The following RTKN2 variants were observed in gnomAD, a reference collection of about 807,000 sequenced individuals.
RTKN2 encodes the protein rhotekin 2.
RTKN2 carries 69 observed loss-of-function variants against 71.5 expected under a neutral mutation model. The observed-to-expected ratio is 0.96, with a 90% confidence interval of 0.79 to 1.18. The LOEUF is 1.18. RTKN2 is among the 50% of genes most tolerant of loss of function. The pLI, the probability that RTKN2 is intolerant of heterozygous loss-of-function variation, is 0.00. For missense variants in RTKN2, 724 were observed against 719.7 expected, an observed-to-expected ratio of 1.01 and a Z score of -0.07; for synonymous variants, 236 against 236.5, an observed-to-expected ratio of 1.00 and a Z score of 0.02.
chr10:62,213,925 T>C (rs1841714410), intron 9 of RTKN2, among the ~76,000 whole-genome samples: 1 of 152,004 alleles, frequency 6.6e-6, no homozygotes, highest in African/African-American at 2.4e-5. Flanking sequence ...AACAAATATA[T>C]TTCTTGACTG....
At chr10:62,251,909 C>T (rs1171872864) in intron 2 of RTKN2, among the ~76,000 whole-genome samples, 2 of 151,612 alleles carry the variant, frequency 1.3e-5, no homozygotes, top group African/African-American at 4.8e-5. Flanking sequence ...CACAAAGAGA[C>T]ATAGTAAATG....
In RTKN2 at chr10:62,194,138, A is replaced by G. The variant is rs1841277044; in HGVS notation, c.*3770T>C. 1.0e-6 allele frequency: 1 copy of G among 976,632 alleles called. No individual in the cohort carries two copies. The highest frequency in any genetic ancestry group is 4.7e-5 in the South Asian group (1 of 21,122). 60.5% of individuals were successfully genotyped at this position (976,632 alleles called of 1,614,324 possible). On this transcript the variant is annotated 3_prime_UTR_variant, in exon 12 of 12. Transcript: ENST00000373789. ...CCAAAAGTCTGACCCATATTAAAAAATAAAAATTATAAACAAAGCCAATTA... is the reference window on the plus strand; with the variant it reads ...CCAAAAGTCTGACCCATATTAAAAAGTAAAAATTATAAACAAAGCCAATTA...
intron 9 of RTKN2, chr10:62,215,049 C>T (rs1841738687): frequency 1.3e-6 from 2 of 1,507,770 alleles, no homozygotes; most frequent in Non-Finnish European, 1.8e-6. Context: ...TGAGATATGG[C>T]GAGTTGAATT....
intron 6 of RTKN2, among the ~76,000 whole-genome samples, chr10:62,235,269 C>G (rs899070462): frequency 1.3e-5 from 2 of 151,992 alleles, no homozygotes; most frequent in African/African-American, 4.8e-5. Context: ...TGAATACAGA[C>G]TGGATATTAA....
intron 6 of RTKN2, 74 bp downstream of exon 6, chr10:62,235,992 C>A: frequency 1.9e-6 from 2 of 1,064,100 alleles, no homozygotes; most frequent in Non-Finnish European, 2.8e-6. Context: ...AGTAAACATA[C>A]ACTTCACATA....
chr10:62,194,743 T>C lies in RTKN2; in HGVS notation c.*3165A>G. On this transcript the variant is annotated 3_prime_UTR_variant, in exon 12 of 12. Transcript: ENST00000373789. ...GGTGCTGAACATAAGCCTAAAGAAA[T>C]ACTTGACTGCTTAACCTACCTTACG... 1.0e-6 allele frequency: 1 copy of C among 985,382 alleles called. No homozygotes were observed. The highest frequency in any genetic ancestry group is 1.2e-6 in the Non-Finnish European group (1 of 829,900). 61.0% of individuals were successfully genotyped at this position (985,382 alleles called of 1,614,324 possible). A position where few individuals can be genotyped will look rare whatever the true frequency, so the allele number is the denominator to read the frequency against.
chr10:62,248,237 C>T (rs1842513939), intron 2 of RTKN2, among the ~76,000 whole-genome samples: 1 of 152,062 alleles, frequency 6.6e-6, no homozygotes, highest in South Asian at 2.1e-4. Context: ...AGAATTAAGT[C>T]TGTCTTTTAA....
chr10:62,202,258 T>C (rs542537262), intron 10 of RTKN2, among the ~76,000 whole-genome samples: 38 of 152,242 alleles, frequency 2.5e-4, no homozygotes, highest in African/African-American at 8.2e-4. Flanking sequence ...GCTAAACAGA[T>C]CTACTTCCGT....
Position 62,193,235 on chromosome 10 carries a change from T to C in RTKN2, c.*4673A>G. 1 of 920,518 alleles carries C rather than the reference T, an allele frequency of 1.1e-6. No homozygotes were observed. The allele number at this position is 920,518 out of a possible 1,614,324, so 57.0% of individuals were successfully genotyped here. A position where few individuals can be genotyped will look rare whatever the true frequency, so the allele number is the denominator to read the frequency against. ...CAATTTATTTTGATATCTTGAACCA[T>C]CTGACATAATTATGTATATACAAGA... is the stretch of plus-strand genomic sequence containing the variant. On this transcript the variant is annotated 3_prime_UTR_variant, in exon 12 of 12. Coordinates refer to ENST00000373789, the MANE Select transcript of RTKN2 (RefSeq NM_145307.4).
intron 6 of RTKN2, among the ~76,000 whole-genome samples, chr10:62,231,646 A>G (rs112027452): frequency 1.7e-4 from 26 of 152,210 alleles, no homozygotes; most frequent in African/African-American, 5.8e-4. Context: ...TCTATCAAAT[A>G]GGGCAATTGT....
chr10:62,264,294 C>T (rs1842830441), intron 1 of RTKN2, among the ~76,000 whole-genome samples: 1 of 152,154 alleles, frequency 6.6e-6, no homozygotes, highest in Non-Finnish European at 1.5e-5. Context: ...ACACAGAAAA[C>T]AGCTGTTTAA....
At chr10:62,266,132 A>G (rs985913798) in intron 1 of RTKN2, among the ~76,000 whole-genome samples, 7 of 152,200 alleles carry the variant, frequency 4.6e-5, no homozygotes, top group African/African-American at 7.2e-5. Context: ...TCCTGACGCT[A>G]TAAGTAGTTA....
intron 10 of RTKN2, among the ~76,000 whole-genome samples, chr10:62,200,383 A>G (rs931506620): frequency 2.0e-5 from 3 of 150,858 alleles, no homozygotes; most frequent in Non-Finnish European, 4.4e-5. Flanking sequence ...AAAAAAAAAA[A>G]AAAGAAAAAA....
chr10:62,268,414 C>G (rs1344879232), intron 1 of RTKN2, 137 bp downstream of exon 1: 6 of 854,726 alleles, frequency 7.0e-6, no homozygotes, highest in Non-Finnish European at 1.2e-5. Flanking sequence ...GTCTCCTAAT[C>G]CCTCCCTTTG....
chr10:62,198,543 G>A, intron 11 of RTKN2, 100 bp from the exon 12 acceptor site: 1 of 870,018 alleles, frequency 1.1e-6, no homozygotes, highest in Non-Finnish European at 1.6e-6. Flanking sequence ...ATATACAATG[G>A]TCATCAAAGA....
At chr10:62,214,337 T>C (rs1841723346) in intron 9 of RTKN2, among the ~76,000 whole-genome samples, 1 of 152,142 alleles carries the variant, frequency 6.6e-6, no homozygotes, top group African/African-American at 2.4e-5. Flanking sequence ...GCTCACATTG[T>C]CTTCAAGTAT....
downstream of RTKN2, among the ~76,000 whole-genome samples, chr10:62,192,753 A>C (rs757818445): frequency 2.0e-5 from 3 of 152,206 alleles, no homozygotes; most frequent in Non-Finnish European, 2.9e-5. Flanking sequence ...GCCAACAGCT[A>C]GTCCTACAAG....
At chr10:62,198,905 T>C (rs2132797444) in intron 11 of RTKN2, among the ~76,000 whole-genome samples, 1 of 152,234 alleles carries the variant, frequency 6.6e-6, no homozygotes, top group East Asian at 1.9e-4. Flanking sequence ...ATGACTGCAT[T>C]TGGATGAGTA....
chr10:62,184,110 A>G, exon 9 of RTKN2: 1 of 457,256 alleles, frequency 2.2e-6, no homozygotes, highest in Non-Finnish European at 3.8e-6. Flanking sequence ...CACTGAATGG[A>G]AAATAAACAT....
Sources: allele counts gnomAD v4.1 joint callset (sites outside exome capture counted in the v4.1 genomes callset), GRCh38; gene constraint gnomAD v4.1.1; transcripts MANE v1.5; gene names NCBI Gene and HGNC (gene_info 2026-07-23, HGNC 2026-07-21).